The following KIAA1217 variants were observed in gnomAD, a reference collection of about 807,000 sequenced individuals.
The protein encoded by KIAA1217 is sickle tail protein homolog.
Under a neutral mutation model 163.9 loss-of-function variants are expected in KIAA1217, and 88 were observed. The observed-to-expected ratio is 0.54, with a 90% CI of 0.45 to 0.64. The LOEUF is 0.64. KIAA1217 is among the 30% of genes least tolerant of loss of function. KIAA1217 has a pLI of 0.00. For missense variants in KIAA1217, 2,372 were observed against 2,475.0 expected, an observed-to-expected ratio of 0.96 and a Z score of 0.88; for synonymous variants, 903 against 923.1, an observed-to-expected ratio of 0.98 and a Z score of 0.39.
chr10:24,049,398 CTA>C (rs1849320037), intron 2 of KIAA1217, among the ~76,000 whole-genome samples: 1 of 151,964 alleles, frequency 6.6e-6, no homozygotes, highest in African/African-American at 2.4e-5. Flanking sequence ...TTTTTTAACT[CTA>C]TTTATTTATT....
intron 1 of KIAA1217, among the ~76,000 whole-genome samples, chr10:23,824,520 C>T (rs912093806): frequency 6.9e-6 from 1 of 145,012 alleles, no homozygotes; most frequent in Admixed American, 6.9e-5. Context: ...CCCAGCTACT[C>T]AGGAGGCTGA....
intron 2 of KIAA1217, among the ~76,000 whole-genome samples, chr10:24,356,341 G>A (rs1450517026): frequency 1.3e-5 from 2 of 152,160 alleles, no homozygotes; most frequent in Non-Finnish European, 2.9e-5. Flanking sequence ...AAACAGCATC[G>A]AATGCTGAAT....
At chr10:23,908,131 G>A (rs1180923411) in intron 1 of KIAA1217, among the ~76,000 whole-genome samples, 1 of 152,102 alleles carries the variant, frequency 6.6e-6, no homozygotes, top group Non-Finnish European at 1.5e-5. Context: ...GCAGATGGCA[G>A]GGAGGCAAGT....
At position 23,790,360 on chromosome 10, in the gene KIAA1217, TATATAC is replaced by T. The variant is rs1207001422; in HGVS notation, c.-321+95137_-321+95142del. Among the ~76,000 whole-genome samples the T allele has an allele frequency of 8.0e-5, 9 of 112,654 alleles. 2 individuals carry two copies. The highest frequency in any genetic ancestry group is 1.8e-4 in the Admixed American group (2 of 10,834). 73.9% of individuals were successfully genotyped at this position (112,654 alleles called of 152,430 possible). On this transcript the variant is annotated intron_variant, in intron 1 of 18. Coordinates refer to the KIAA1217 transcript ENST00000376462. ...GCATATATACATATGCATATATGCA[TATATAC>T]ATATACATATGTATATATACATATG...
intron 1 of KIAA1217, among the ~76,000 whole-genome samples, chr10:23,777,552 G>A (rs1835058689): frequency 6.6e-6 from 1 of 152,160 alleles, no homozygotes; most frequent in East Asian, 1.9e-4. Context: ...GGTTAGAGCT[G>A]CTTAGGTTAC....
At chr10:24,169,550 G>A (rs1378911890) in intron 2 of KIAA1217, among the ~76,000 whole-genome samples, 1 of 152,142 alleles carries the variant, frequency 6.6e-6, no homozygotes, top group Non-Finnish European at 1.5e-5. Flanking sequence ...ATACCTAATA[G>A]TTATCCAATA....
In KIAA1217 at chr10:24,533,240, A is replaced by T; in HGVS notation, c.3414+3A>T. On this transcript the variant is annotated splice_donor_region_variant and intron_variant, in intron 16 of 20. Transcript: ENST00000376454. Reference sequence around the variant, plus strand: ...ACAAAATAATGGCAGAACTCCAGGTATGTGGATGAGGTGACTGACATTGGC... The same window carrying T: ...ACAAAATAATGGCAGAACTCCAGGTTTGTGGATGAGGTGACTGACATTGGC... 6.2e-7 allele frequency: 1 copy of T among 1,606,566 alleles called. No individual in the cohort carries two copies. The highest frequency in any genetic ancestry group is 8.5e-7 in the Non-Finnish European group (1 of 1,176,170).
At chr10:23,891,984 T>C (rs1048758225) in intron 1 of KIAA1217, among the ~76,000 whole-genome samples, 7 of 151,958 alleles carry the variant, frequency 4.6e-5, no homozygotes, top group Non-Finnish European at 1.5e-5. Flanking sequence ...GTTTTCAAAG[T>C]TTTATCTAAG....
At position 23,851,964 on chromosome 10, in the gene KIAA1217, G is replaced by A. The variant is rs577928545; in HGVS notation, c.-320-155261G>A. On this transcript the variant is annotated intron_variant, in intron 1 of 18. Transcript: ENST00000376462. ...AAAATTTTCTCCCATTTTGTGGGTTGCCTGTTCACTCCGATGGTAGTTTTT... is the reference window on the plus strand; with the variant it reads ...AAAATTTTCTCCCATTTTGTGGGTTACCTGTTCACTCCGATGGTAGTTTTT... Among the ~76,000 whole-genome samples the A allele has an allele frequency of 1.1e-4, 16 of 152,204 alleles. No individual in the cohort carries two copies. In the East Asian group the frequency reaches 2.9e-3, roughly 28 times the overall value.
intron 1 of KIAA1217, among the ~76,000 whole-genome samples, chr10:23,905,660 G>A (rs1486508236): frequency 3.3e-5 from 5 of 152,052 alleles, no homozygotes; most frequent in Non-Finnish European, 7.4e-5. Flanking sequence ...ATTATAGTTT[G>A]CACCCATAGC....
At chr10:23,727,496 G>T (rs1189224274) in intron 1 of KIAA1217, among the ~76,000 whole-genome samples, 2 of 151,918 alleles carry the variant, frequency 1.3e-5, no homozygotes, top group Non-Finnish European at 1.5e-5. Context: ...GGAGGTGGAG[G>T]TTGCAGTGAG....
chr10:23,809,378 C>A, intron 1 of KIAA1217, among the ~76,000 whole-genome samples: 1 of 151,698 alleles, frequency 6.6e-6, no homozygotes, highest in Middle Eastern at 3.4e-3. Flanking sequence ...AATTAAGATT[C>A]CATGTGAAAC....
chr10:23,748,968 A>G (rs1839580086), intron 1 of KIAA1217, among the ~76,000 whole-genome samples: 1 of 151,992 alleles, frequency 6.6e-6, no homozygotes, highest in African/African-American at 2.4e-5. Context: ...CTTCATCATC[A>G]CTTCTCTGCC....
chr10:23,862,173 G>A (rs928441377), intron 1 of KIAA1217, among the ~76,000 whole-genome samples: 5 of 152,050 alleles, frequency 3.3e-5, no homozygotes, highest in Non-Finnish European at 5.9e-5. Flanking sequence ...CCAAAGAGTT[G>A]GCTGGCATTT....
chr10:24,332,363 C>A (rs1271563159), intron 2 of KIAA1217, among the ~76,000 whole-genome samples: 2 of 152,136 alleles, frequency 1.3e-5, no homozygotes, highest in Non-Finnish European at 2.9e-5. Flanking sequence ...TGCGAGATGT[C>A]ATTTGTATGT....
rs1301504458 is a variant in KIAA1217, at chr10:24,225,862, G to A, written c.354+5953G>A. On this transcript the variant is annotated intron_variant, in intron 2 of 20. Coordinates refer to ENST00000376454, the MANE Select transcript of KIAA1217 (RefSeq NM_019590.5). Reference sequence around the variant, plus strand: ...TGTCTTACCACCCATTTCTTCTTTCGCCTCTGTAAACTCAGCATTTAAAGG... The same window carrying A: ...TGTCTTACCACCCATTTCTTCTTTCACCTCTGTAAACTCAGCATTTAAAGG... Among the ~76,000 whole-genome samples the A allele has an allele frequency of 2.0e-5, 3 of 152,008 alleles. No individual in the cohort carries two copies. The South Asian group carries it at 6.2e-4, about 32-fold the overall frequency.
chr10:24,410,260 T>G (rs1462210102), intron 3 of KIAA1217, among the ~76,000 whole-genome samples: 2 of 152,214 alleles, frequency 1.3e-5, no homozygotes, highest in African/African-American at 4.8e-5. Flanking sequence ...CCTCCCAAAG[T>G]GCTGGGATTA....
intron 2 of KIAA1217, among the ~76,000 whole-genome samples, chr10:24,361,654 G>C (rs1253600517): frequency 6.6e-6 from 1 of 152,132 alleles, no homozygotes; most frequent in East Asian, 1.9e-4. Flanking sequence ...GATAACTGTA[G>C]ATTATTTTCT....
chr10:23,848,938 T>G (rs12251452), intron 1 of KIAA1217, among the ~76,000 whole-genome samples: 1,841 of 152,240 alleles, frequency 0.012, 40 homozygotes, highest in African/African-American at 0.042. Flanking sequence ...TTTGAGTTAT[T>G]AACTTAATAT....
Sources: allele counts gnomAD v4.1 joint callset (sites outside exome capture counted in the v4.1 genomes callset), GRCh38; gene constraint gnomAD v4.1.1; transcripts MANE v1.5; gene names NCBI Gene and HGNC (gene_info 2026-07-23, HGNC 2026-07-21).